PTPRD: variants seen among roughly 807,000 people sequenced by gnomAD.
PTPRD encodes receptor-type tyrosine-protein phosphatase delta.
In PTPRD, 34 loss-of-function variants were observed where a neutral mutation model predicts 214.5. The ratio of observed to expected loss-of-function variants is 0.16; its 90% CI spans 0.12 to 0.21. The LOEUF (loss-of-function observed/expected upper bound fraction) is 0.21, where lower values mean the gene tolerates loss of function less well. Among genes scored for constraint, PTPRD ranks in the 10% least tolerant of loss-of-function variants. The pLI, the probability that PTPRD is intolerant of heterozygous loss-of-function variation, is 1.00. For missense variants in PTPRD, 2,545 were observed against 2,398.7 expected (o/e 1.06, Z -1.27); for synonymous variants, 1,128 against 845.7 (o/e 1.33, Z -5.79).
chr9:8,325,982 G>A (rs1470711621), intron 44 of PTPRD, among the ~76,000 whole-genome samples: 1 of 152,066 alleles, frequency 6.6e-6, no homozygotes, highest in Non-Finnish European at 1.5e-5. Flanking sequence ...GAGATGATGG[G>A]GTTTTCTAAA....
At chr9:9,722,175 A>C (rs1444105803) in intron 7 of PTPRD, among the ~76,000 whole-genome samples, 1 of 152,050 alleles carries the variant, frequency 6.6e-6, no homozygotes, top group Non-Finnish European at 1.5e-5. Context: ...AACCATCACA[A>C]CTACTTAATT....
intron 3 of PTPRD, among the ~76,000 whole-genome samples, chr9:10,070,177 G>A (rs1328775594): frequency 1.3e-5 from 2 of 151,950 alleles, no homozygotes; most frequent in African/African-American, 2.4e-5. Flanking sequence ...TTTTATGTTG[G>A]CTTTTCTGGC....
intron 7 of PTPRD, among the ~76,000 whole-genome samples, chr9:9,678,558 T>C (rs183143777): frequency 1.3e-5 from 2 of 152,006 alleles, no homozygotes; most frequent in African/African-American, 4.8e-5. Context: ...ACCTCAAAGA[T>C]ATTTAATAAA....
intron 3 of PTPRD, among the ~76,000 whole-genome samples, chr9:10,270,061 G>C (rs564977628): frequency 3.3e-5 from 5 of 152,006 alleles, no homozygotes; most frequent in African/African-American, 1.2e-4. Flanking sequence ...TAAAAGTTGA[G>C]TCCTGTTCAG....
At chr9:9,376,236 G>C (rs1231526505) in intron 9 of PTPRD, among the ~76,000 whole-genome samples, 1 of 152,006 alleles carries the variant, frequency 6.6e-6, no homozygotes, top group Non-Finnish European at 1.5e-5. Flanking sequence ...TATATGTATA[G>C]GATAGGTAAA....
intron 5 of PTPRD, among the ~76,000 whole-genome samples, chr9:9,867,414 T>C (rs1274198807): frequency 1.3e-5 from 2 of 152,160 alleles, no homozygotes; most frequent in African/African-American, 4.8e-5. Context: ...TGATTTATGA[T>C]ACCTATCTTC....
intron 3 of PTPRD, among the ~76,000 whole-genome samples, chr9:10,166,042 T>C (rs1254516228): frequency 1.3e-5 from 2 of 149,836 alleles, no homozygotes; most frequent in Non-Finnish European, 3.0e-5. Context: ...TTATGCATTA[T>C]ATATACATGT....
intron 36 of PTPRD, among the ~76,000 whole-genome samples, chr9:8,390,272 T>C (rs996501409): frequency 6.6e-6 from 1 of 152,156 alleles, no homozygotes; most frequent in African/African-American, 2.4e-5. Flanking sequence ...TGAACATCGC[T>C]TACAAAGCTC....
chr9:10,023,050 A>T (rs2096854279), intron 4 of PTPRD, among the ~76,000 whole-genome samples: 1 of 152,158 alleles, frequency 6.6e-6, no homozygotes, highest in African/African-American at 2.4e-5. Flanking sequence ...TTAAAATAAT[A>T]TTTTACCTAT....
intron 5 of PTPRD, among the ~76,000 whole-genome samples, chr9:9,794,445 G>A (rs968118840): frequency 4.6e-5 from 7 of 152,020 alleles, no homozygotes; most frequent in Admixed American, 4.6e-4. Context: ...GGGTACTGGT[G>A]GCAGAGGCAA....
intron 14 of PTPRD, among the ~76,000 whole-genome samples, chr9:8,586,194 G>GGGTAACT (rs2093642429): frequency 2.0e-5 from 3 of 152,000 alleles, no homozygotes; most frequent in Non-Finnish European, 1.5e-5. Flanking sequence ...CAGCTACTTC[G>GGGTAACT]GAGGTTGAGG....
intron 5 of PTPRD, among the ~76,000 whole-genome samples, chr9:9,779,947 A>T (rs1229867700): frequency 1.3e-5 from 2 of 152,216 alleles, no homozygotes; most frequent in Non-Finnish European, 2.9e-5. Context: ...CCAAAAAGAC[A>T]CATACGCTCA....
intron 7 of PTPRD, among the ~76,000 whole-genome samples, chr9:9,647,180 C>T (rs928963216): frequency 2.0e-5 from 3 of 152,110 alleles, no homozygotes; most frequent in African/African-American, 4.8e-5. Flanking sequence ...TCTTTCCCCC[C>T]CCTCTTTCTA....
At chr9:8,854,068 T>A (rs986270814) in intron 11 of PTPRD, among the ~76,000 whole-genome samples, 14 of 152,292 alleles carry the variant, frequency 9.2e-5, no homozygotes, top group African/African-American at 3.1e-4. Flanking sequence ...TCTGGGCATG[T>A]AATACAAATC....
chr9:9,847,638 A>T (rs929905773), intron 5 of PTPRD, among the ~76,000 whole-genome samples: 2 of 152,114 alleles, frequency 1.3e-5, no homozygotes, highest in Non-Finnish European at 2.9e-5. Flanking sequence ...TCAACCCATT[A>T]TTCCATTCCT....
At chr9:10,063,822 A>G (rs1370399609) in intron 3 of PTPRD, among the ~76,000 whole-genome samples, 1 of 152,000 alleles carries the variant, frequency 6.6e-6, no homozygotes, top group Admixed American at 6.6e-5. Flanking sequence ...AGGTAGCAGT[A>G]CTGGGGAAAA....
rs966208809 is a variant in PTPRD, at chr9:9,995,313, T to C, written c.-472+38405A>G. Among the ~76,000 whole-genome samples the C allele has an allele frequency of 4.6e-5, 7 of 152,126 alleles. No homozygotes were observed. The East Asian group carries it at 1.4e-3, about 29-fold the overall frequency. ...TCCCAATATTTGCAGATGGTGAAAC[T>C]AAAAAGAGAACAATCAAACAAAAAC... is the stretch of plus-strand genomic sequence containing the variant. On this transcript the variant is annotated intron_variant, in intron 4 of 45. Coordinates refer to ENST00000381196, the MANE Select transcript of PTPRD (RefSeq NM_002839.4).
rs574488265 is a variant in PTPRD at position 10,296,238 on chromosome 9, T to C, written c.-545+44725A>G. The stretch of plus-strand genomic sequence containing the variant: ...AATTTCTATTTACTGCATTAAGTAA[T>C]ATTGAAACCAACCCAATAGTCACAT... On this transcript the variant is annotated intron_variant, in intron 3 of 45. Transcript: ENST00000381196. 3.9e-5 allele frequency among the ~76,000 whole-genome samples: 6 copies of C among 152,242 alleles called. No individual in the cohort carries two copies. In the East Asian group the frequency reaches 1.2e-3, roughly 29 times the overall value.
intron 2 of PTPRD, among the ~76,000 whole-genome samples, chr9:10,446,136 T>C (rs1457662257): frequency 6.6e-6 from 1 of 151,898 alleles, no homozygotes; most frequent in East Asian, 1.9e-4. Context: ...CCCACCCCCT[T>C]TGAAATAGAA....
Sources: allele counts gnomAD v4.1 joint callset (sites outside exome capture counted in the v4.1 genomes callset), GRCh38; gene constraint gnomAD v4.1.1; transcripts MANE v1.5; gene names NCBI Gene and HGNC (gene_info 2026-07-23, HGNC 2026-07-21).